WWP2: variants seen among roughly 807,000 people sequenced by gnomAD.
WWP2 encodes NEDD4-like E3 ubiquitin-protein ligase WWP2.
WWP2 carries 57 observed loss-of-function variants against 121.0 expected under a neutral mutation model. The ratio of observed to expected loss-of-function variants is 0.47; its 90% CI spans 0.38 to 0.59. The LOEUF is 0.59. Among genes scored for constraint, WWP2 ranks in the 20% least tolerant of loss-of-function variants. WWP2 has a pLI of 0.00. For missense variants in WWP2, 962 were observed against 1,158.9 expected (o/e 0.83, Z 2.47); for synonymous variants, 449 against 441.3 (o/e 1.02, Z -0.22).
At chr16:69,933,685 G>C (rs2058752900) in intron 16 of WWP2, among the ~76,000 whole-genome samples, 1 of 152,202 alleles carries the variant, frequency 6.6e-6, no homozygotes, top group South Asian at 2.1e-4. Flanking sequence ...TGGATATTGT[G>C]ATGTAAAGTC....
intron 2 of WWP2, among the ~76,000 whole-genome samples, chr16:69,797,784 G>A (rs781220739): frequency 1.1e-4 from 16 of 152,178 alleles, no homozygotes; most frequent in Non-Finnish European, 1.8e-4. Context: ...AGCTACTCAG[G>A]AGGCTAAGGC....
intron 2 of WWP2, among the ~76,000 whole-genome samples, chr16:69,790,654 C>T (rs959372391): frequency 2.6e-5 from 4 of 152,122 alleles, no homozygotes; most frequent in African/African-American, 4.8e-5. Context: ...TGGCTCACTG[C>T]GACCTCTGTC....
chr16:69,908,354 A>C (rs565997536), intron 8 of WWP2, among the ~76,000 whole-genome samples: 1 of 152,314 alleles, frequency 6.6e-6, no homozygotes, highest in South Asian at 2.1e-4. Context: ...AAACCCAGAA[A>C]TTGCAATACA....
intron 1 of WWP2, among the ~76,000 whole-genome samples, chr16:69,781,357 T>G (rs1053230277): frequency 2.0e-5 from 3 of 152,154 alleles, no homozygotes; most frequent in African/African-American, 7.2e-5. Flanking sequence ...TTTTTGTTTT[T>G]GTTTTTCAAA....
At position 69,778,072 on chromosome 16, in the gene WWP2, A is replaced by AAT. The variant is rs138021233; in HGVS notation, c.-15-8906_-15-8905dup. 6.6e-3 allele frequency among the ~76,000 whole-genome samples: 906 copies of AAT among 137,514 alleles called. 5 individuals carry two copies. The highest frequency in any genetic ancestry group is 0.02 in the East Asian group (93 of 4,712). 90.2% of individuals were successfully genotyped at this position (137,514 alleles called of 152,430 possible). A position where few individuals can be genotyped will look rare whatever the true frequency, so the allele number is the denominator to read the frequency against. On this transcript the variant is annotated intron_variant, in intron 1 of 23. Coordinates refer to ENST00000359154, the MANE Select transcript of WWP2 (RefSeq NM_001270454.2). ...GGTGACAGAGTGAAACCCTGTCTCA[A>AAT]ATATATATATATATATATACACACA...
intron 8 of WWP2, among the ~76,000 whole-genome samples, chr16:69,899,591 G>A (rs1347354552): frequency 2.6e-5 from 4 of 151,978 alleles, no homozygotes; most frequent in African/African-American, 9.7e-5. Context: ...TTAGCCAGGT[G>A]TATTGGTGCA....
chr16:69,915,536 G>C (rs1011109469), intron 9 of WWP2, among the ~76,000 whole-genome samples: 12 of 152,202 alleles, frequency 7.9e-5, no homozygotes, highest in African/African-American at 2.7e-4. Flanking sequence ...GCAACATAGT[G>C]AGATCCTGTC....
chr16:69,845,448 C>T (rs905470786), intron 6 of WWP2, among the ~76,000 whole-genome samples: 1 of 152,150 alleles, frequency 6.6e-6, no homozygotes, highest in African/African-American at 2.4e-5. Context: ...GGGCTTCTGC[C>T]TGCTGTCTCC....
At chr16:69,936,267 C>T in intron 18 of WWP2, 45 bp from the exon 19 acceptor site, 1 of 1,612,706 alleles carries the variant, frequency 6.2e-7, no homozygotes, top group Non-Finnish European at 8.5e-7. Context: ...CAGGAAAGAC[C>T]CTGACACGGT....
At chr16:69,780,158 C>T (rs1396268036) in intron 1 of WWP2, among the ~76,000 whole-genome samples, 2 of 151,942 alleles carry the variant, frequency 1.3e-5, no homozygotes, top group African/African-American at 4.8e-5. Context: ...TACTTTTATA[C>T]TTTTAAACGT....
chr16:69,912,407 ACACAG>A (rs2058393775), intron 9 of WWP2, among the ~76,000 whole-genome samples: 1 of 130,036 alleles, frequency 7.7e-6, no homozygotes, highest in Non-Finnish European at 1.6e-5. Context: ...ACACACACAC[ACACAG>A]CCTCATGACT....
intron 21 of WWP2, among the ~76,000 whole-genome samples, chr16:69,938,231 C>T (rs2058830122): frequency 1.3e-5 from 2 of 151,690 alleles, no homozygotes; most frequent in African/African-American, 4.8e-5. Flanking sequence ...CCAGCCTGGT[C>T]CTGAACTCCT....
chr16:69,859,881 C>T (rs2057385141), intron 6 of WWP2, among the ~76,000 whole-genome samples: 1 of 150,268 alleles, frequency 6.7e-6, no homozygotes, highest in South Asian at 2.2e-4. Context: ...CCCCGCCCCG[C>T]CCGATGATCC....
intron 6 of WWP2, among the ~76,000 whole-genome samples, chr16:69,852,278 A>T (rs2057230605): frequency 6.8e-6 from 1 of 147,086 alleles, no homozygotes; most frequent in African/African-American, 2.5e-5. Context: ...TGATGTGGAG[A>T]GTCTCTTTTT....
chr16:69,827,992 C>T (rs1023157507), intron 4 of WWP2: 5 of 442,394 alleles, frequency 1.1e-5, no homozygotes, highest in East Asian at 7.0e-5. Context: ...AGCTGGTTCC[C>T]GAGACTCCTT....
At chr16:69,776,214 T>G (rs756192129) in intron 1 of WWP2, 2 of 152,252 alleles carry the variant, frequency 1.3e-5, no homozygotes, top group Non-Finnish European at 2.9e-5. Flanking sequence ...TAAAGAGGGC[T>G]GGAGTCAGGG....
intron 1 of WWP2, among the ~76,000 whole-genome samples, chr16:69,772,567 G>T (rs1311861182): frequency 6.6e-6 from 1 of 152,174 alleles, no homozygotes; most frequent in Non-Finnish European, 1.5e-5. Flanking sequence ...TGTGTCCCTA[G>T]TAGCAGCTCA....
chr16:69,916,908 A>G (rs2058487187), intron 9 of WWP2, among the ~76,000 whole-genome samples: 2 of 152,146 alleles, frequency 1.3e-5, no homozygotes, highest in Non-Finnish European at 1.5e-5. Flanking sequence ...TCACGCCTGT[A>G]ATCTCAGCAC....
chr16:69,820,733 A>G (rs2056576992), intron 4 of WWP2, among the ~76,000 whole-genome samples: 1 of 82,024 alleles, frequency 1.2e-5, no homozygotes. Flanking sequence ...ATTGTCCTCC[A>G]CAAATAGAAT....
Sources: gnomAD v4.1 joint callset for allele counts (sites outside exome capture counted in the v4.1 genomes callset) on GRCh38, gnomAD v4.1.1 for gene constraint, MANE v1.5 for transcripts, NCBI Gene and HGNC (gene_info 2026-07-23, HGNC 2026-07-21) for gene names.